PTPRD: variants seen among roughly 807,000 people sequenced by gnomAD.
The protein encoded by PTPRD is protein tyrosine phosphatase receptor type D, also known as receptor-type tyrosine-protein phosphatase delta.
A neutral mutation model predicts 214.5 loss-of-function variants in PTPRD; 34 were observed. That is an observed-to-expected ratio of 0.16 (90% confidence interval 0.12 to 0.21). The LOEUF is 0.21. Ranked by LOEUF, PTPRD falls within the 10% of genes least tolerant of loss-of-function variation. The probability of loss-of-function intolerance (pLI) is 1.00; values close to 1 mark genes in which losing one functional copy is unlikely to be tolerated. For synonymous variants in PTPRD, 1,128 were observed against 845.7 expected, an observed-to-expected ratio of 1.33 and a Z score of -5.79; for missense variants, 2,545 against 2,398.7, an observed-to-expected ratio of 1.06 and a Z score of -1.27.
At chr9:10,324,167 C>T (rs1477220101) in intron 3 of PTPRD, among the ~76,000 whole-genome samples, 1 of 152,018 alleles carries the variant, frequency 6.6e-6, no homozygotes, top group Non-Finnish European at 1.5e-5. Flanking sequence ...TGGCTCTTCT[C>T]TAAAGAGAGG....
At chr9:8,821,272 C>T (rs373436939) in intron 11 of PTPRD, among the ~76,000 whole-genome samples, 5 of 151,644 alleles carry the variant, frequency 3.3e-5, no homozygotes, top group East Asian at 3.9e-4. Context: ...TGTTTACAGC[C>T]ACCTCTCTCT....
At chr9:8,779,453 T>A (rs927921904) in intron 11 of PTPRD, among the ~76,000 whole-genome samples, 1 of 152,102 alleles carries the variant, frequency 6.6e-6, no homozygotes, top group African/African-American at 2.4e-5. Context: ...TAATGTGTCG[T>A]CCCGGGGTTG....
At chr9:8,367,095 G>A (rs1227217577) in intron 39 of PTPRD, among the ~76,000 whole-genome samples, 3 of 152,100 alleles carry the variant, frequency 2.0e-5, no homozygotes, top group Non-Finnish European at 2.9e-5. Flanking sequence ...TGGTGACCAA[G>A]GTAAGAAACA....
chr9:8,414,190 G>C (rs1206736799), intron 35 of PTPRD, among the ~76,000 whole-genome samples: 1 of 151,496 alleles, frequency 6.6e-6, no homozygotes, highest in Non-Finnish European at 1.5e-5. Context: ...GAATAGACCA[G>C]AGATATAAAA....
At chr9:9,410,181 G>A (rs1012556583) in intron 8 of PTPRD, among the ~76,000 whole-genome samples, 2 of 152,060 alleles carry the variant, frequency 1.3e-5, no homozygotes, top group Admixed American at 6.6e-5. Context: ...AGAGGTTACT[G>A]GCACAAATCA....
chr9:9,640,434 T>C (rs568297848), intron 7 of PTPRD, among the ~76,000 whole-genome samples: 2 of 152,318 alleles, frequency 1.3e-5, no homozygotes, highest in African/African-American at 4.8e-5. Context: ...TGTTTTCTTA[T>C]CTCTATATTC....
intron 8 of PTPRD, among the ~76,000 whole-genome samples, chr9:9,494,837 A>G (rs1011047992): frequency 7.9e-5 from 12 of 152,200 alleles, no homozygotes; most frequent in African/African-American, 2.9e-4. Flanking sequence ...TGGGATTTCA[A>G]GGGACCCTGG....
chr9:9,089,364 C>T (rs2099772199), intron 10 of PTPRD, among the ~76,000 whole-genome samples: 2 of 152,202 alleles, frequency 1.3e-5, no homozygotes, highest in African/African-American at 4.8e-5. Flanking sequence ...AGTTTGCTGA[C>T]TGCTACTATG....
chr9:10,289,128 G>C (rs1053566630), intron 3 of PTPRD, among the ~76,000 whole-genome samples: 1 of 151,022 alleles, frequency 6.6e-6, no homozygotes, highest in African/African-American at 2.5e-5. Context: ...ATGAGTATAA[G>C]AGTCTATGCT....
chr9:8,602,436 T>TA (rs1402633768), intron 14 of PTPRD, among the ~76,000 whole-genome samples: 1 of 152,220 alleles, frequency 6.6e-6, no homozygotes, highest in African/African-American at 2.4e-5. Flanking sequence ...GATATAAACT[T>TA]ACTATGAGCC....
At chr9:8,941,422 T>C (rs2099033249) in intron 11 of PTPRD, among the ~76,000 whole-genome samples, 1 of 152,116 alleles carries the variant, frequency 6.6e-6, no homozygotes, top group Non-Finnish European at 1.5e-5. Context: ...TGTGTGTGTA[T>C]ATATATAGTG....
chr9:9,038,428 G>A (rs1417650232), intron 10 of PTPRD, among the ~76,000 whole-genome samples: 1 of 151,988 alleles, frequency 6.6e-6, no homozygotes, highest in Non-Finnish European at 1.5e-5. Context: ...AACAGAGGCT[G>A]ATAATACTGA....
At chr9:9,086,241 C>T (rs775541192) in intron 10 of PTPRD, among the ~76,000 whole-genome samples, 7 of 152,150 alleles carry the variant, frequency 4.6e-5, no homozygotes, top group Non-Finnish European at 7.3e-5. Context: ...CTCCTTCTGA[C>T]TGGTACTATT....
chr9:9,293,069 G>A (rs556658949), intron 9 of PTPRD, among the ~76,000 whole-genome samples: 10 of 151,380 alleles, frequency 6.6e-5, no homozygotes, highest in East Asian at 2.0e-4. Flanking sequence ...TCACGTACAC[G>A]TTGGAAAGAA....
intron 10 of PTPRD, among the ~76,000 whole-genome samples, chr9:9,045,518 A>G (rs2154386717): frequency 6.6e-6 from 1 of 152,230 alleles, no homozygotes; most frequent in East Asian, 1.9e-4. Flanking sequence ...TTTCACCCAA[A>G]CTTCAAGGTA....
intron 5 of PTPRD, among the ~76,000 whole-genome samples, chr9:9,869,546 A>G (rs935993598): frequency 2.0e-5 from 3 of 152,106 alleles, no homozygotes; most frequent in African/African-American, 7.2e-5. Flanking sequence ...CTGACATTGT[A>G]TGTTTCCTGA....
At chr9:8,940,446 CTTTT>C (rs34288443) in intron 11 of PTPRD, among the ~76,000 whole-genome samples, 5 of 95,028 alleles carry the variant, frequency 5.3e-5, no homozygotes, top group Non-Finnish European at 7.9e-5. Flanking sequence ...CCACTCCCAG[CTTTT>C]TTTTTTTTTT....
At chr9:9,019,997 T>C (rs12380178) in intron 10 of PTPRD, among the ~76,000 whole-genome samples, 3,031 of 152,238 alleles carry the variant, frequency 0.02, 47 homozygotes, top group Non-Finnish European at 0.031. Flanking sequence ...AAATAACAAC[T>C]GATCTTGAGT....
intron 3 of PTPRD, among the ~76,000 whole-genome samples, chr9:10,079,552 G>C (rs187986823): frequency 6.6e-6 from 1 of 152,116 alleles, no homozygotes. Flanking sequence ...TTTGAGTGTG[G>C]GCATCAAGGA....
Sources: gnomAD v4.1 joint callset for allele counts (sites outside exome capture counted in the v4.1 genomes callset) on GRCh38, gnomAD v4.1.1 for gene constraint, MANE v1.5 for transcripts, NCBI Gene and HGNC (gene_info 2026-07-23, HGNC 2026-07-21) for gene names.